KCNMA1: variants seen among roughly 807,000 people sequenced by gnomAD.
The protein encoded by KCNMA1 is potassium calcium-activated channel subfamily M alpha 1.
A neutral mutation model predicts 140.0 loss-of-function variants in KCNMA1; 29 were observed. The observed-to-expected ratio is 0.21, with a 90% CI of 0.15 to 0.28. The LOEUF is 0.28. Among genes scored for constraint, KCNMA1 ranks in the 10% least tolerant of loss-of-function variants. The pLI is 1.00. For synonymous variants in KCNMA1, 612 were observed against 611.9 expected (o/e 1.00, Z 0.00); for missense variants, 880 against 1,602.2 (o/e 0.55, Z 7.70).
At chr10:77,299,500 C>T (rs2076053172) in intron 2 of KCNMA1, among the ~76,000 whole-genome samples, 1 of 152,168 alleles carries the variant, frequency 6.6e-6, no homozygotes. Context: ...AATGTTATTT[C>T]ACATTTTGGG....
chr10:77,095,138 C>A (rs1447688637), intron 9 of KCNMA1, among the ~76,000 whole-genome samples: 2 of 152,198 alleles, frequency 1.3e-5, no homozygotes, highest in East Asian at 3.8e-4. Context: ...GTAGCTAAAT[C>A]TCTCCCCATC....
intron 2 of KCNMA1, among the ~76,000 whole-genome samples, chr10:77,401,640 C>A (rs1351090743): frequency 6.6e-6 from 1 of 152,238 alleles, no homozygotes; most frequent in Admixed American, 6.5e-5. Context: ...TAAAAGCTCA[C>A]TGCAAATGCA....
chr10:77,421,297 T>TCACCCTC (rs1305079575), intron 1 of KCNMA1, among the ~76,000 whole-genome samples: 2 of 152,192 alleles, frequency 1.3e-5, no homozygotes, highest in Non-Finnish European at 2.9e-5. Context: ...CTTTCCTAAC[T>TCACCCTC]CACCCTCCAC....
Position 77,290,741 on chromosome 10 carries a change from AAC to A in KCNMA1, c.541-39487_541-39486del, listed in dbSNP as rs1476903323. ...CCTGATGGTACCTCTGAAAAAAACAAACACAATGACTGCTTTTGAAGGGCAGG... is the reference window on the plus strand; with the variant it reads ...CCTGATGGTACCTCTGAAAAAAACAAACAATGACTGCTTTTGAAGGGCAGG... On this transcript the variant is annotated intron_variant, in intron 2 of 27. Coordinates refer to ENST00000286628, the MANE Select transcript of KCNMA1 (RefSeq NM_001161352.2). 6.6e-5 allele frequency among the ~76,000 whole-genome samples: 10 copies of A among 152,336 alleles called. No individual in the cohort carries two copies. In the South Asian group the frequency reaches 8.3e-4, roughly 13 times the overall value.
intron 20 of KCNMA1, among the ~76,000 whole-genome samples, chr10:76,968,138 C>T (rs1298865783): frequency 2.6e-5 from 4 of 152,008 alleles, no homozygotes; most frequent in Non-Finnish European, 4.4e-5. Flanking sequence ...TAAAATGTAG[C>T]GTGTAACACT....
intron 20 of KCNMA1, among the ~76,000 whole-genome samples, chr10:76,964,949 A>G (rs1196777210): frequency 3.3e-5 from 5 of 152,142 alleles, no homozygotes; most frequent in Non-Finnish European, 7.3e-5. Flanking sequence ...GGTGTTGTCA[A>G]TTATCCTTGC....
intron 6 of KCNMA1, among the ~76,000 whole-genome samples, chr10:77,114,259 C>A (rs1047463099): frequency 6.6e-6 from 1 of 152,164 alleles, no homozygotes; most frequent in Non-Finnish European, 1.5e-5. Context: ...AGAGCTGAGG[C>A]CTTGTCTGTC....
intron 2 of KCNMA1, among the ~76,000 whole-genome samples, chr10:77,337,861 G>T (rs74520179): frequency 0.019 from 2,871 of 152,250 alleles, 91 homozygotes; most frequent in African/African-American, 0.064. Flanking sequence ...TTTAGGAGCT[G>T]TGCAGTTCTC....
intron 1 of KCNMA1, among the ~76,000 whole-genome samples, chr10:77,619,228 A>G (rs1249944954): frequency 6.6e-6 from 1 of 152,130 alleles, no homozygotes. Flanking sequence ...TCTCCAATCT[A>G]TGTCAACTGG....
At chr10:77,519,550 G>A (rs1332293053) in intron 1 of KCNMA1, among the ~76,000 whole-genome samples, 1 of 152,090 alleles carries the variant, frequency 6.6e-6, no homozygotes, top group African/African-American at 2.4e-5. Context: ...CCATTAGCCT[G>A]GATAATCGAG....
intron 24 of KCNMA1, chr10:76,911,101 G>T (rs993823123): frequency 6.6e-6 from 1 of 151,888 alleles, no homozygotes; most frequent in Admixed American, 6.6e-5. Flanking sequence ...AACAGATGAG[G>T]TTTCCTTTCC....
intron 2 of KCNMA1, among the ~76,000 whole-genome samples, chr10:77,302,961 A>G (rs867420590): frequency 2.0e-4 from 30 of 152,142 alleles, no homozygotes; most frequent in African/African-American, 6.7e-4. Flanking sequence ...CTGGGGACTC[A>G]CCTGTGTTTG....
chr10:77,008,544 T>A (rs1030021612), intron 18 of KCNMA1, among the ~76,000 whole-genome samples: 1 of 152,220 alleles, frequency 6.6e-6, no homozygotes, highest in Non-Finnish European at 1.5e-5. Context: ...ATCACAGGAT[T>A]TCCAGAAATG....
chr10:77,198,230 A>T (rs1348436872), intron 3 of KCNMA1, among the ~76,000 whole-genome samples: 1 of 152,136 alleles, frequency 6.6e-6, no homozygotes, highest in East Asian at 1.9e-4. Flanking sequence ...CAGATAAATA[A>T]GAGACAGTTA....
chr10:77,603,385 G>C (rs1235067912), intron 1 of KCNMA1, among the ~76,000 whole-genome samples: 1 of 152,084 alleles, frequency 6.6e-6, no homozygotes, highest in African/African-American at 2.4e-5. Context: ...TGCGTCCATG[G>C]ATCATGAGGC....
At chr10:77,090,349 C>T (rs758094962) in intron 10 of KCNMA1, 51 bp downstream of exon 10, 10 of 1,204,858 alleles carry the variant, frequency 8.3e-6, no homozygotes, top group Admixed American at 1.7e-5. Flanking sequence ...GGGAGTCCCT[C>T]GCAGGGTGTG....
intron 3 of KCNMA1, among the ~76,000 whole-genome samples, chr10:77,196,706 G>T (rs2040610032): frequency 6.6e-6 from 1 of 152,156 alleles, no homozygotes; most frequent in Non-Finnish European, 1.5e-5. Context: ...GTTTCATTCT[G>T]ACTGCTTAGT....
intron 23 of KCNMA1, among the ~76,000 whole-genome samples, chr10:76,920,341 G>C (rs1437871566): frequency 2.0e-5 from 3 of 151,864 alleles, no homozygotes; most frequent in African/African-American, 7.3e-5. Flanking sequence ...ACTGAATTTT[G>C]CTCACGTAAT....
intron 2 of KCNMA1, among the ~76,000 whole-genome samples, chr10:77,290,314 A>T (rs571249538): frequency 6.6e-6 from 1 of 152,354 alleles, no homozygotes; most frequent in African/African-American, 2.4e-5. Context: ...TGCAGTGGAG[A>T]TTAAATGAAA....
Sources: gnomAD v4.1 joint callset for allele counts (sites outside exome capture counted in the v4.1 genomes callset) on GRCh38, gnomAD v4.1.1 for gene constraint, MANE v1.5 for transcripts, NCBI Gene and HGNC (gene_info 2026-07-23, HGNC 2026-07-21) for gene names.